Variants in CSMD1 observed in about 807,000 individuals in gnomAD.
The protein encoded by CSMD1 is CUB and sushi domain-containing protein 1.
Under a neutral mutation model 417.5 loss-of-function variants are expected in CSMD1, and 213 were observed. The observed-to-expected ratio is 0.51, with a 90% CI of 0.46 to 0.57. The LOEUF (loss-of-function observed/expected upper bound fraction) is 0.57. Among genes scored for constraint, CSMD1 ranks in the 20% least tolerant of loss-of-function variants. The pLI is 0.00. For missense variants in CSMD1, 6,923 were observed against 4,529.7 expected (o/e 1.53, Z -15.17); for synonymous variants, 2,862 against 1,736.8 (o/e 1.65, Z -16.11).
At chr8:4,595,069 T>A (rs2089830104) in intron 2 of CSMD1, among the ~76,000 whole-genome samples, 2 of 152,194 alleles carry the variant, frequency 1.3e-5, no homozygotes, top group Non-Finnish European at 2.9e-5. Context: ...TAAACATAGG[T>A]GTGCCTTTTT....
chr8:4,088,085 A>C (rs1443463139), intron 3 of CSMD1, among the ~76,000 whole-genome samples: 2 of 152,224 alleles, frequency 1.3e-5, no homozygotes, highest in Admixed American at 1.3e-4. Context: ...GACTAGAGGA[A>C]ACCACAAAAG....
chr8:3,499,114 T>G (rs538580396), intron 10 of CSMD1, among the ~76,000 whole-genome samples: 1 of 152,338 alleles, frequency 6.6e-6, no homozygotes, highest in East Asian at 1.9e-4. Flanking sequence ...ACAAAACAAT[T>G]TCTCCTAATA....
intron 7 of CSMD1, among the ~76,000 whole-genome samples, chr8:3,683,678 T>C (rs1459890299): frequency 6.6e-6 from 1 of 152,176 alleles, no homozygotes; most frequent in Non-Finnish European, 1.5e-5. Flanking sequence ...GAGGTTGTCA[T>C]CTCTTTTCCA....
chr8:4,900,539 C>T (rs966630577), intron 1 of CSMD1, among the ~76,000 whole-genome samples: 31 of 152,150 alleles, frequency 2.0e-4, no homozygotes, highest in Admixed American at 6.5e-5. Context: ...CTACACAATC[C>T]AGATGCTGAT....
chr8:3,946,066 G>T (rs185601094), intron 5 of CSMD1, among the ~76,000 whole-genome samples: 2 of 152,068 alleles, frequency 1.3e-5, no homozygotes, highest in South Asian at 2.1e-4. Flanking sequence ...CAATACTAAC[G>T]TAAAGTGTAA....
chr8:4,772,511 G>T (rs932972551), intron 1 of CSMD1, among the ~76,000 whole-genome samples: 1 of 152,126 alleles, frequency 6.6e-6, no homozygotes, highest in African/African-American at 2.4e-5. Flanking sequence ...ACAGGATCTG[G>T]TATTACAGCA....
At chr8:4,645,610 G>A (rs78311798) in intron 1 of CSMD1, among the ~76,000 whole-genome samples, 2,590 of 152,204 alleles carry the variant, frequency 0.017, 73 homozygotes, top group East Asian at 0.092. Context: ...TGCCCATTTT[G>A]CAAAGTAATT....
chr8:4,202,922 G>C (rs1356256147), intron 3 of CSMD1, among the ~76,000 whole-genome samples: 1 of 152,146 alleles, frequency 6.6e-6, no homozygotes, highest in African/African-American at 2.4e-5. Flanking sequence ...CTGGAGTGAG[G>C]AGAGATGTTG....
At chr8:3,932,892 T>C (rs1223210162) in intron 5 of CSMD1, among the ~76,000 whole-genome samples, 1 of 150,506 alleles carries the variant, frequency 6.6e-6, no homozygotes, top group East Asian at 1.9e-4. Flanking sequence ...AATTTTCTAT[T>C]CCAATAGCAA....
chr8:3,656,822 G>A (rs904328424), intron 7 of CSMD1, among the ~76,000 whole-genome samples: 26 of 152,206 alleles, frequency 1.7e-4, no homozygotes, highest in Non-Finnish European at 3.2e-4. Flanking sequence ...CTATTCAGGA[G>A]GCTGAGGCAG....
At chr8:4,498,265 C>T (rs1472036670) in intron 2 of CSMD1, among the ~76,000 whole-genome samples, 1 of 152,160 alleles carries the variant, frequency 6.6e-6, no homozygotes, top group African/African-American at 2.4e-5. Flanking sequence ...AAAGTACAAA[C>T]TACTTGTTTC....
chr8:3,644,114 T>A lies in CSMD1; in HGVS notation c.1010-27317A>T, dbSNP rs558322346. Among the ~76,000 whole-genome samples the A allele has an allele frequency of 3.3e-5, 5 of 152,272 alleles. No homozygotes were observed. The South Asian group carries it at 8.3e-4, about 25-fold the overall frequency. On this transcript the variant is annotated intron_variant, in intron 7 of 69. Transcript: ENST00000635120. Reference sequence around the variant, plus strand: ...CCCTTCTACACCAGAAACATCACCATCACCTGGGAAGTTGTTATCAATGCA... The same window carrying A: ...CCCTTCTACACCAGAAACATCACCAACACCTGGGAAGTTGTTATCAATGCA...
intron 26 of CSMD1, among the ~76,000 whole-genome samples, chr8:3,276,869 TA>T (rs1373334232): frequency 6.6e-6 from 1 of 152,194 alleles, no homozygotes; most frequent in African/African-American, 2.4e-5. Context: ...TGTCATGTTC[TA>T]GGAAAACAAA....
chr8:4,131,954 C>A (rs1264339112), intron 3 of CSMD1, among the ~76,000 whole-genome samples: 1 of 151,654 alleles, frequency 6.6e-6, no homozygotes, highest in African/African-American at 2.4e-5. Flanking sequence ...TTAGTAGAGA[C>A]CGGCTTTCAC....
At chr8:3,540,810 T>G (rs1798406090) in intron 10 of CSMD1, among the ~76,000 whole-genome samples, 1 of 152,076 alleles carries the variant, frequency 6.6e-6, no homozygotes, top group African/African-American at 2.4e-5. Context: ...AGTAAAGAAG[T>G]GCAAATCAAA....
At chr8:4,768,527 G>A (rs1486439982) in intron 1 of CSMD1, among the ~76,000 whole-genome samples, 1 of 152,186 alleles carries the variant, frequency 6.6e-6, no homozygotes, top group East Asian at 1.9e-4. Context: ...GAAACTCTGT[G>A]GTAATCATTT....
intron 3 of CSMD1, among the ~76,000 whole-genome samples, chr8:4,401,963 G>T (rs1399372479): frequency 6.6e-6 from 1 of 151,930 alleles, no homozygotes; most frequent in Non-Finnish European, 1.5e-5. Context: ...TGATACACTG[G>T]CTCCTTGAAA....
chr8:3,549,480 G>C (rs1014499137), intron 10 of CSMD1, among the ~76,000 whole-genome samples: 14 of 152,226 alleles, frequency 9.2e-5, no homozygotes, highest in African/African-American at 3.1e-4. Flanking sequence ...AGCAGTGAGA[G>C]ATGGGACCAT....
chr8:3,315,440 G>GTC (rs1563263751), intron 23 of CSMD1, among the ~76,000 whole-genome samples: 2 of 86,182 alleles, frequency 2.3e-5, no homozygotes, highest in Non-Finnish European at 6.0e-5. Context: ...TGAAGTGAGT[G>GTC]TGTGTGTGTG....
Sources: allele counts gnomAD v4.1 joint callset (sites outside exome capture counted in the v4.1 genomes callset), GRCh38; gene constraint gnomAD v4.1.1; transcripts MANE v1.5; gene names NCBI Gene and HGNC (gene_info 2026-07-23, HGNC 2026-07-21).